CTNNA2: variants seen among roughly 807,000 people sequenced by gnomAD.
CTNNA2 encodes catenin alpha 2, also known as catenin alpha-2.
In CTNNA2, 42 loss-of-function variants were observed where a neutral mutation model predicts 101.0. That is an observed-to-expected ratio of 0.42 (90% confidence interval 0.32 to 0.54). The LOEUF (loss-of-function observed/expected upper bound fraction) is 0.54. CTNNA2 is among the 20% of genes least tolerant of loss of function. The probability of loss-of-function intolerance (pLI) is 0.14; values close to 1 mark genes in which losing one functional copy is unlikely to be tolerated. For missense variants in CTNNA2, 871 were observed against 1,223.1 expected (o/e 0.71, Z 4.29); for synonymous variants, 450 against 456.4 (o/e 0.99, Z 0.18).
intron 9 of CTNNA2, among the ~76,000 whole-genome samples, chr2:80,486,873 T>A (rs1686626905): frequency 6.6e-6 from 1 of 152,212 alleles, no homozygotes; most frequent in African/African-American, 2.4e-5. Flanking sequence ...TCTACTAATG[T>A]CCTTTTTCAG....
rs1407940670 is a variant in CTNNA2 at position 79,847,679 on chromosome 2, A to G, written c.299-10334A>G. ...AAATTTCATCTGCATGATGCCCTCC[A>G]AGGTATTGTTAAAGTCTGGAATTTG... On this transcript the variant is annotated intron_variant, in intron 3 of 18. Coordinates refer to ENST00000402739, the MANE Select transcript of CTNNA2 (RefSeq NM_001282597.3). Among the ~76,000 whole-genome samples, 5 of 151,656 alleles carry G rather than the reference A, an allele frequency of 3.3e-5. No homozygotes were observed. In the East Asian group the frequency reaches 9.7e-4, roughly 29 times the overall value.
chr2:80,330,085 C>T (rs891465216), intron 7 of CTNNA2, among the ~76,000 whole-genome samples: 1 of 152,194 alleles, frequency 6.6e-6, no homozygotes. Flanking sequence ...AATTGTCAAA[C>T]TTCTTCATTT....
chr2:80,260,454 A>G (rs980262274), intron 7 of CTNNA2, among the ~76,000 whole-genome samples: 1 of 150,472 alleles, frequency 6.6e-6, no homozygotes, highest in Non-Finnish European at 1.5e-5. Flanking sequence ...TTTGACTGAA[A>G]TGGTAAGATC....
At chr2:79,225,357 A>AG (rs1226652699) in intron 2 of CTNNA2, among the ~76,000 whole-genome samples, 1 of 152,180 alleles carries the variant, frequency 6.6e-6, no homozygotes, top group African/African-American at 2.4e-5. Context: ...TGGGATTTTA[A>AG]GGAACCTAAT....
At chr2:80,471,854 T>C (rs1572973071) in intron 9 of CTNNA2, among the ~76,000 whole-genome samples, 1 of 151,836 alleles carries the variant, frequency 6.6e-6, no homozygotes, top group African/African-American at 2.4e-5. Context: ...TGGCCGGGCG[T>C]AGTGGCCCAT....
intron 7 of CTNNA2, among the ~76,000 whole-genome samples, chr2:80,091,801 A>T (rs1699809243): frequency 6.6e-6 from 1 of 151,930 alleles, no homozygotes; most frequent in Non-Finnish European, 1.5e-5. Context: ...ATGAAGCCAA[A>T]TCAATCAGTT....
intron 11 of CTNNA2, among the ~76,000 whole-genome samples, chr2:80,555,183 G>T (rs570952608): frequency 6.6e-6 from 1 of 151,942 alleles, no homozygotes; most frequent in Non-Finnish European, 1.5e-5. Flanking sequence ...AAATGTTTTC[G>T]TAATGAAAAC....
At chr2:79,614,949 C>G (rs1041331752) in intron 1 of CTNNA2, among the ~76,000 whole-genome samples, 31 of 152,252 alleles carry the variant, frequency 2.0e-4, no homozygotes, top group African/African-American at 7.5e-4. Context: ...TGTTAGATTT[C>G]AGGGAATTTC....
chr2:80,295,048 T>C lies in CTNNA2; in HGVS notation c.1057-98163T>C, dbSNP rs886831595. 6.3e-4 allele frequency among the ~76,000 whole-genome samples: 96 copies of C among 152,080 alleles called. 1 individual carries two copies. Among genetic ancestry groups the C allele is most frequent in the African/African-American group, 2.2e-3 (93 of 41,410 alleles). Reference sequence around the variant, plus strand: ...TTTTCTTTTTTCTTTCTGTTTTGTTTTGTTCTCTCTTCTCCTCTCATCTCC... The same window carrying C: ...TTTTCTTTTTTCTTTCTGTTTTGTTCTGTTCTCTCTTCTCCTCTCATCTCC... On this transcript the variant is annotated intron_variant, in intron 7 of 18. Transcript: ENST00000402739.
chr2:80,558,170 G>A (rs1358651469), intron 12 of CTNNA2, among the ~76,000 whole-genome samples: 1 of 152,154 alleles, frequency 6.6e-6, no homozygotes, highest in Non-Finnish European at 1.5e-5. Context: ...AAGGAAAAGT[G>A]GGTGTCAGTG....
At chr2:80,105,713 A>G (rs1469731780) in intron 7 of CTNNA2, among the ~76,000 whole-genome samples, 1 of 152,100 alleles carries the variant, frequency 6.6e-6, no homozygotes, top group African/African-American at 2.4e-5. Flanking sequence ...CACCTTGGGC[A>G]ACAGAGGGAG....
intron 3 of CTNNA2, among the ~76,000 whole-genome samples, chr2:79,361,246 A>G (rs933268810): frequency 2.0e-5 from 3 of 152,208 alleles, no homozygotes; most frequent in Admixed American, 2.0e-4. Context: ...TAGCTAATGC[A>G]TTTAGATGTT....
chr2:79,652,256 C>T (rs113926735), intron 2 of CTNNA2, among the ~76,000 whole-genome samples: 7,764 of 145,452 alleles, frequency 0.053, 557 homozygotes, highest in African/African-American at 0.17. Context: ...TTTTTTTTTA[C>T]CAAATTATAA....
chr2:80,136,954 C>T (rs1359742217), intron 7 of CTNNA2, among the ~76,000 whole-genome samples: 1 of 152,148 alleles, frequency 6.6e-6, no homozygotes, highest in East Asian at 1.9e-4. Flanking sequence ...TTCATTGCCT[C>T]CCTCCGTACA....
At chr2:79,487,051 T>C (rs532399332) in intron 4 of CTNNA2, among the ~76,000 whole-genome samples, 21 of 152,318 alleles carry the variant, frequency 1.4e-4, no homozygotes, top group Admixed American at 5.9e-4. Flanking sequence ...ATAATAAATT[T>C]AAAAAACTAC....
intron 3 of CTNNA2, among the ~76,000 whole-genome samples, chr2:79,813,321 G>T (rs1313420704): frequency 4.6e-5 from 7 of 152,180 alleles, no homozygotes; most frequent in Admixed American, 4.6e-4. Context: ...AGACCATCAA[G>T]GGAGGCAATT....
intron 2 of CTNNA2, among the ~76,000 whole-genome samples, chr2:79,718,533 G>A (rs959307140): frequency 3.9e-5 from 6 of 152,058 alleles, no homozygotes; most frequent in African/African-American, 1.2e-4. Context: ...TGTAATTCCG[G>A]CTGTGCCTTA....
intron 8 of CTNNA2, among the ~76,000 whole-genome samples, chr2:80,417,169 G>C (rs1680115027): frequency 6.6e-6 from 1 of 151,270 alleles, no homozygotes; most frequent in African/African-American, 2.4e-5. Flanking sequence ...ACATATATAT[G>C]TTTGTGGAGT....
intron 7 of CTNNA2, among the ~76,000 whole-genome samples, chr2:80,372,944 A>G (rs928622972): frequency 2.0e-5 from 3 of 152,214 alleles, no homozygotes; most frequent in Non-Finnish European, 2.9e-5. Flanking sequence ...TAAATATTCT[A>G]CAATGCCTAG....
Sources: gnomAD v4.1 joint callset for allele counts (sites outside exome capture counted in the v4.1 genomes callset) on GRCh38, gnomAD v4.1.1 for gene constraint, MANE v1.5 for transcripts, NCBI Gene and HGNC (gene_info 2026-07-23, HGNC 2026-07-21) for gene names.